Variants in ARSG observed in about 807,000 individuals in gnomAD.
ARSG encodes ASG.
A neutral mutation model predicts 50.5 loss-of-function variants in ARSG; 37 were observed. The observed-to-expected ratio is 0.73, with a 90% confidence interval of 0.56 to 0.96. The LOEUF is 0.96. Ranked by LOEUF, ARSG falls within the 50% of genes least tolerant of loss-of-function variation. ARSG has a pLI of 0.00. For missense variants in ARSG, 629 were observed against 675.3 expected (o/e 0.93, Z 0.76); for synonymous variants, 225 against 254.6 (o/e 0.88, Z 1.11).
intron 6 of ARSG, among the ~76,000 whole-genome samples, chr17:68,364,098 G>C (rs567143046): frequency 6.6e-6 from 1 of 152,018 alleles, no homozygotes; most frequent in Non-Finnish European, 1.5e-5. Flanking sequence ...CTTCCATTTC[G>C]GATCAGATGA....
the ARSG span, chr17:68,428,716 G>A: frequency 3.8e-6 from 3 of 788,342 alleles, no homozygotes; most frequent in South Asian, 1.6e-5. Flanking sequence ...CACTGAGACT[G>A]CCAGTGAAGA....
intron 1 of ARSG, among the ~76,000 whole-genome samples, chr17:68,295,983 A>G (rs974971175): frequency 6.6e-6 from 1 of 152,080 alleles, no homozygotes; most frequent in Admixed American, 6.6e-5. Flanking sequence ...CCGGCCTAAA[A>G]AATATATATT....
At chr17:68,395,301 C>T in intron 10 of ARSG, 108 bp downstream of exon 10, 1 of 1,518,852 alleles carries the variant, frequency 6.6e-7, no homozygotes, top group Admixed American at 1.8e-5. Context: ...CAAGAACAGG[C>T]TGCAGGTCGG....
At chr17:68,331,059 AC>A (rs1427146347) in intron 2 of ARSG, among the ~76,000 whole-genome samples, 1 of 148,922 alleles carries the variant, frequency 6.7e-6, no homozygotes. Context: ...ATCTCAGCTC[AC>A]TGCAACATCT....
At chr17:68,323,575 A>T (rs1555771335) in intron 2 of ARSG, among the ~76,000 whole-genome samples, 1 of 152,160 alleles carries the variant, frequency 6.6e-6, no homozygotes, top group South Asian at 2.1e-4. Flanking sequence ...AAATGCACTT[A>T]TCTCATCATG....
intron 11 of ARSG, among the ~76,000 whole-genome samples, chr17:68,410,677 G>A (rs1824666745): frequency 6.6e-6 from 1 of 152,118 alleles, no homozygotes; most frequent in Non-Finnish European, 1.5e-5. Flanking sequence ...TCTATTGATT[G>A]GAATAGTTTC....
chr17:68,363,252 A>G (rs1417719285), intron 6 of ARSG, among the ~76,000 whole-genome samples: 1 of 152,174 alleles, frequency 6.6e-6, no homozygotes, highest in African/African-American at 2.4e-5. Context: ...GTTTTGGGGC[A>G]AGATAACAGG....
chr17:68,336,189 G>T (rs1041319075), intron 2 of ARSG, among the ~76,000 whole-genome samples: 1 of 149,726 alleles, frequency 6.7e-6, no homozygotes, highest in Non-Finnish European at 1.5e-5. Flanking sequence ...GTCAGCCACC[G>T]TGCCTGGTCT....
At chr17:68,360,599 A>G (rs1158110925) in intron 6 of ARSG, among the ~76,000 whole-genome samples, 2 of 152,178 alleles carry the variant, frequency 1.3e-5, no homozygotes, top group African/African-American at 4.8e-5. Flanking sequence ...GCAATGCTGA[A>G]TGCTAATGCT....
intron 5 of ARSG, among the ~76,000 whole-genome samples, chr17:68,352,088 GGAGAGAGA>G (rs34934330): frequency 8.6e-5 from 9 of 104,094 alleles, no homozygotes; most frequent in East Asian, 7.8e-4. Context: ...GAGAGACAGA[GGAGAGAGA>G]GAGAGAGAGA....
At chr17:68,315,884 G>A (rs182181653) in intron 2 of ARSG, among the ~76,000 whole-genome samples, 39 of 152,204 alleles carry the variant, frequency 2.6e-4, no homozygotes, top group African/African-American at 8.7e-4. Context: ...ACCTGCCTCG[G>A]CCTCCCAAAG....
chr17:68,320,973 C>T (rs1251619394), intron 2 of ARSG, among the ~76,000 whole-genome samples: 1 of 152,022 alleles, frequency 6.6e-6, no homozygotes, highest in African/African-American at 2.4e-5. Flanking sequence ...TGCCAAGGAC[C>T]ATAACCAAGC....
At chr17:68,431,034 G>A in the ARSG span, among the ~76,000 whole-genome samples, 1 of 152,174 alleles carries the variant, frequency 6.6e-6, no homozygotes, top group African/African-American at 2.4e-5. Flanking sequence ...CACTGCTAGG[G>A]TTCTGTGATC....
chr17:68,349,912 C>T (rs1249477707), intron 4 of ARSG, among the ~76,000 whole-genome samples: 2 of 152,132 alleles, frequency 1.3e-5, no homozygotes, highest in Non-Finnish European at 2.9e-5. Flanking sequence ...CAAGCATCTA[C>T]TAGTTATTCT....
chr17:68,314,013 C>T (rs2076971878), intron 2 of ARSG, among the ~76,000 whole-genome samples: 1 of 151,982 alleles, frequency 6.6e-6, no homozygotes, highest in Non-Finnish European at 1.5e-5. Flanking sequence ...CTAACGCAGT[C>T]TATAATGTAG....
At chr17:68,295,671 A>ATTTTTTTTT (rs56840354) in intron 1 of ARSG, among the ~76,000 whole-genome samples, 2 of 114,540 alleles carry the variant, frequency 1.7e-5, no homozygotes, top group African/African-American at 4.2e-5. Context: ...TCTAAGACAA[A>ATTTTTTTTT]TTTTTTTTTT....
intron 9 of ARSG, among the ~76,000 whole-genome samples, chr17:68,392,246 G>T (rs543748060): frequency 1.3e-5 from 2 of 152,160 alleles, no homozygotes; most frequent in Non-Finnish European, 1.5e-5. Flanking sequence ...CATATAAACG[G>T]CTCTGTTGAA....
At chr17:68,412,984 G>A (rs998319195) in intron 11 of ARSG, among the ~76,000 whole-genome samples, 4 of 151,398 alleles carry the variant, frequency 2.6e-5, no homozygotes, top group Admixed American at 2.6e-4. Context: ...GCTCCTTTAA[G>A]CACTTCTCTG....
At chr17:68,424,678 C>G, downstream of ARSG, 1 of 347,996 alleles carries the variant, frequency 2.9e-6, no homozygotes, top group Non-Finnish European at 5.7e-6. Context: ...GAGTTTGAGA[C>G]CAGCGTGACC....
Sources: gnomAD v4.1 joint callset for allele counts (sites outside exome capture counted in the v4.1 genomes callset) on GRCh38, gnomAD v4.1.1 for gene constraint, MANE v1.5 for transcripts, NCBI Gene and HGNC (gene_info 2026-07-23, HGNC 2026-07-21) for gene names.